EPN2: variants seen among roughly 807,000 people sequenced by gnomAD.
The protein encoded by EPN2 is epsin 2, also known as epsin-2.
EPN2 carries 34 observed loss-of-function variants against 61.7 expected under a neutral mutation model. The observed-to-expected ratio is 0.55, with a 90% CI of 0.42 to 0.73. EPN2 has a LOEUF of 0.73. EPN2 is among the 30% of genes least tolerant of loss of function. EPN2 has a pLI of 0.00. For synonymous variants in EPN2, 349 were observed against 353.6 expected (o/e 0.99, Z 0.15); for missense variants, 714 against 839.2 (o/e 0.85, Z 1.84).
chr17:19,323,815 T>C (rs554810542), intron 7 of EPN2, among the ~76,000 whole-genome samples: 118 of 152,372 alleles, frequency 7.7e-4, no homozygotes, highest in Admixed American at 1.2e-3. Context: ...GAAAGTGTTC[T>C]TGAAGAGTAA....
chr17:19,303,555 A>C (rs1905646609), intron 4 of EPN2, among the ~76,000 whole-genome samples: 1 of 152,102 alleles, frequency 6.6e-6, no homozygotes, highest in Admixed American at 6.5e-5. Flanking sequence ...TAGAGTCTGG[A>C]TTCTGTGCAC....
At chr17:19,296,038 AAGCTTAGTCC>A (rs547838525) in intron 4 of EPN2, among the ~76,000 whole-genome samples, 1 of 152,174 alleles carries the variant, frequency 6.6e-6, no homozygotes, top group East Asian at 1.9e-4. Flanking sequence ...TGCTAATGGA[AAGCTTAGTCC>A]AGCTTAGTCC....
rs1017996454 is a variant in EPN2 at position 19,336,459 on chromosome 17, A to C, written c.*2205A>C. 1 of 152,614 alleles carries C rather than the reference A, an allele frequency of 6.6e-6. No homozygotes were observed. Among genetic ancestry groups the C allele is most frequent in the Non-Finnish European group, 1.5e-5 (1 of 68,106 alleles). The allele number at this position is 152,614 out of a possible 1,614,324, so 9.5% of individuals were successfully genotyped here. On this transcript the variant is annotated 3_prime_UTR_variant, in exon 11 of 11. Coordinates refer to ENST00000314728, the MANE Select transcript of EPN2 (RefSeq NM_014964.5). The stretch of plus-strand genomic sequence containing the variant: ...GCCACTGGGCCACCGGGACCCAAGA[A>C]GACAGCCCCCTGCCCCATCTTCTGG...
Position 19,285,873 on chromosome 17 carries a change from C to G in EPN2, c.766+83C>G. ...GTGCTTGCCATGCCAGTACAGCCAA[C>G]TCTCTCCCTGTCTCCTCTGGGCCTG... On this transcript the variant is annotated intron_variant, in intron 4 of 10. Transcript: ENST00000314728. The surrounding 1 kb of genome is among the most constrained non-coding windows in gnomAD (Gnocchi z 4.5). 7.0e-7 allele frequency: 1 copy of G among 1,436,122 alleles called. No individual in the cohort carries two copies. The highest frequency in any genetic ancestry group is 2.7e-5 in the East Asian group (1 of 36,762). The allele number at this position is 1,436,122 out of a possible 1,614,324, so 89.0% of individuals were successfully genotyped here.
chr17:19,285,567 C>T lies in EPN2; in HGVS notation c.596-53C>T. 3 of 1,423,914 alleles carry T rather than the reference C, an allele frequency of 2.1e-6. No homozygotes were observed. Among genetic ancestry groups the T allele is most frequent in the Non-Finnish European group, 2.8e-6 (3 of 1,083,022 alleles). The allele number at this position is 1,423,914 out of a possible 1,614,324, so 88.2% of individuals were successfully genotyped here. On this transcript the variant is annotated intron_variant, in intron 3 of 10. Coordinates refer to ENST00000314728, the MANE Select transcript of EPN2 (RefSeq NM_014964.5). This position sits in a 1 kb window ranked among gnomAD's most constrained non-coding sequence, Gnocchi z 4.5. ...CGTACCTCCTGCAGGGGCTGCTGCG[C>T]ACCCTCTAATGGCGTGTCTCTCTGT...
At chr17:19,247,833 T>G (rs1277209965) in intron 1 of EPN2, among the ~76,000 whole-genome samples, 3 of 152,024 alleles carry the variant, frequency 2.0e-5, no homozygotes, top group Non-Finnish European at 4.4e-5. Flanking sequence ...GTTCTAGAGA[T>G]GGAGAATGAA....
At chr17:19,325,033 A>G (rs1041690946) in intron 7 of EPN2, among the ~76,000 whole-genome samples, 2 of 152,238 alleles carry the variant, frequency 1.3e-5, no homozygotes, top group African/African-American at 4.8e-5. Context: ...ATTAAAAAGG[A>G]AACAGCAAAG....
At chr17:19,317,677 G>A (rs1013584351) in intron 7 of EPN2, among the ~76,000 whole-genome samples, 1 of 152,180 alleles carries the variant, frequency 6.6e-6, no homozygotes, top group Non-Finnish European at 1.5e-5. Context: ...TTCCATCTTC[G>A]TTTCCTCTCA....
chr17:19,313,195 G>A lies in EPN2; in HGVS notation c.1063G>A (p.Gly355Ser), dbSNP rs943588644. The change falls in exon 7 of 11, where the codon GGC becomes AGC. Residue 355 changes from glycine to serine, a missense_variant. Physicochemically the swap from Gly to Ser is moderately conservative, Grantham distance 56. Around this residue, in one of 2 missense-constraint regions of EPN2, gnomAD observed 410 missense variants for 421.8 expected, o/e 0.97. Transcript: ENST00000314728. ...CGCGGCCCAGAAAGCAGAGCCCTGG[G>A]GCCCGTCAGCCTCCACTAACCAGAC... Reference protein sequence around the residue: ...GPAAQKAEPWGPSASTNQTNP... With the variant: ...GPAAQKAEPWSPSASTNQTNP... 4 of 1,612,580 alleles carry A rather than the reference G, an allele frequency of 2.5e-6. No individual in the cohort carries two copies. In the South Asian group the frequency reaches 4.4e-5, roughly 18 times the overall value.
At chr17:19,280,985 A>G (rs1222749452) in intron 1 of EPN2, among the ~76,000 whole-genome samples, 4 of 152,112 alleles carry the variant, frequency 2.6e-5, no homozygotes, top group South Asian at 4.2e-4. Flanking sequence ...ATATTTACCT[A>G]TTTATTATAA....
intron 1 of EPN2, among the ~76,000 whole-genome samples, chr17:19,261,381 T>C (rs1248102288): frequency 6.6e-6 from 1 of 152,276 alleles, no homozygotes; most frequent in Non-Finnish European, 1.5e-5. Context: ...GGACCATTTA[T>C]AGTTTTCTGT....
intron 1 of EPN2, among the ~76,000 whole-genome samples, chr17:19,281,639 C>G (rs1472327179): frequency 1.3e-5 from 2 of 152,108 alleles, no homozygotes; most frequent in Non-Finnish European, 2.9e-5. Context: ...GGTTCTGGGC[C>G]TGGAGTGACC....
At chr17:19,257,644 A>T (rs2045095638) in intron 1 of EPN2, among the ~76,000 whole-genome samples, 1 of 151,578 alleles carries the variant, frequency 6.6e-6, no homozygotes, top group African/African-American at 2.4e-5. Context: ...CCACCTCCCG[A>T]GTAGCTGGGA....
intron 1 of EPN2, among the ~76,000 whole-genome samples, chr17:19,254,294 C>A (rs1026100866): frequency 1.3e-5 from 2 of 152,146 alleles, no homozygotes; most frequent in African/African-American, 4.8e-5. Flanking sequence ...GTAATCCCAG[C>A]ACTTTGGGAG....
At chr17:19,327,273 A>G (rs529533906) in intron 7 of EPN2, among the ~76,000 whole-genome samples, 1 of 152,334 alleles carries the variant, frequency 6.6e-6, no homozygotes, top group East Asian at 1.9e-4. Flanking sequence ...GAACAAAACA[A>G]ATTCCAGCTC....
At position 19,291,427 on chromosome 17, in the gene EPN2, A is replaced by AT. The variant is rs60753158; in HGVS notation, c.766+5665dup. Among the ~76,000 whole-genome samples the AT allele has an allele frequency of 2.1e-3, 150 of 69,876 alleles. 5 individuals are homozygous for AT. Among genetic ancestry groups the AT allele is most frequent in the South Asian group, 0.011 (19 of 1,664 alleles). The allele number at this position is 69,876 out of a possible 152,430, so 45.8% of individuals were successfully genotyped here. A position where few individuals can be genotyped will look rare whatever the true frequency, so the allele number is the denominator to read the frequency against. ...GGCTATCCACGGTTATCAGCCATTC[A>AT]TTTTTTTTTTTTTTTTTTTTTTTTT... is the stretch of plus-strand genomic sequence containing the variant. On this transcript the variant is annotated intron_variant, in intron 4 of 10. Coordinates refer to ENST00000314728, the MANE Select transcript of EPN2 (RefSeq NM_014964.5).
chr17:19,261,524 C>T (rs1234422597), intron 1 of EPN2, among the ~76,000 whole-genome samples: 14 of 152,154 alleles, frequency 9.2e-5, no homozygotes, highest in Admixed American at 7.9e-4. Context: ...TTATTCTGAT[C>T]TAGGCAGAGT....
rs1040534242 is a variant in EPN2 at position 19,336,636 on chromosome 17, G to T, written c.*2382G>T. The T allele has an allele frequency of 2.0e-5, 3 of 152,062 alleles. No individual in the cohort carries two copies. The highest frequency in any genetic ancestry group is 2.0e-4 in the East Asian group (1 of 5,104). 9.4% of individuals were successfully genotyped at this position (152,062 alleles called of 1,614,324 possible). A position where few individuals can be genotyped will look rare whatever the true frequency, so the allele number is the denominator to read the frequency against. On this transcript the variant is annotated 3_prime_UTR_variant, in exon 11 of 11. Transcript: ENST00000314728. ...CACCCAGCTGTTTCTCAGTCCCAGA[G>T]GCCGGTGGCTGGTTTTGAACTTGTG...
chr17:19,323,721 G>A (rs1447609944), intron 7 of EPN2, among the ~76,000 whole-genome samples: 1 of 152,150 alleles, frequency 6.6e-6, no homozygotes, highest in Non-Finnish European at 1.5e-5. Flanking sequence ...TCCAAGAATT[G>A]ATAATTTTTT....
Sources: allele counts gnomAD v4.1 joint callset (sites outside exome capture counted in the v4.1 genomes callset), GRCh38; gene constraint gnomAD v4.1.1; regional missense constraint gnomAD v4.1.1; non-coding constraint Gnocchi (gnomAD v3.1); transcripts MANE v1.5; gene names NCBI Gene and HGNC (gene_info 2026-07-23, HGNC 2026-07-21).